KLHL18: variants seen among roughly 807,000 people sequenced by gnomAD.
KLHL18 encodes the protein kelch like family member 18, also known as kelch-like protein 18.
A neutral mutation model predicts 58.5 loss-of-function variants in KLHL18; 38 were observed. The ratio of observed to expected loss-of-function variants is 0.65; its 90% CI spans 0.50 to 0.85. The LOEUF (loss-of-function observed/expected upper bound fraction) is 0.85, where lower values mean the gene tolerates loss of function less well. Ranked by LOEUF, KLHL18 falls within the 40% of genes least tolerant of loss-of-function variation. The pLI is 0.00. For missense variants in KLHL18, 624 were observed against 778.4 expected (o/e 0.80, Z 2.36); for synonymous variants, 303 against 301.9 (o/e 1.00, Z -0.04).
intron 1 of KLHL18, among the ~76,000 whole-genome samples, chr3:47,304,778 C>T (rs1343396106): frequency 6.6e-6 from 1 of 152,154 alleles, no homozygotes; most frequent in Non-Finnish European, 1.5e-5. Context: ...AATCCCAACA[C>T]TTTGGGAGGC....
At chr3:47,304,925 G>C (rs13072802) in intron 1 of KLHL18, among the ~76,000 whole-genome samples, 74,687 of 151,672 alleles carry the variant, frequency 0.49, 20,034 homozygotes, top group Non-Finnish European at 0.6. Flanking sequence ...TTGGGAGGCT[G>C]AGGTGGGAGG....
intron 1 of KLHL18, among the ~76,000 whole-genome samples, chr3:47,296,447 G>T (rs892032894): frequency 6.6e-6 from 1 of 152,210 alleles, no homozygotes; most frequent in Non-Finnish European, 1.5e-5. Flanking sequence ...GAGACACCCT[G>T]CTGTGAATGG....
chr3:47,339,610 A>C (rs905626709), intron 7 of KLHL18, among the ~76,000 whole-genome samples: 1 of 152,258 alleles, frequency 6.6e-6, no homozygotes, highest in Non-Finnish European at 1.5e-5. Flanking sequence ...GCACATGATG[A>C]AAACAACATC....
rs1432550373 is a variant in KLHL18 at position 47,309,309 on chromosome 3, C to T, written c.130-10344C>T. Among the ~76,000 whole-genome samples the T allele has an allele frequency of 2.0e-5, 3 of 152,000 alleles. 1 individual carries two copies. Among genetic ancestry groups the T allele is most frequent in the South Asian group, 4.2e-4 (2 of 4,800 alleles). On this transcript the variant is annotated intron_variant, in intron 1 of 9. Transcript: ENST00000232766. ...TACACCTCCCAGACGGGGCGGCGGC[C>T]GGGCAGAGGGGCTCCTCACTTCCCA...
At chr3:47,323,565 G>A (rs295459) in intron 3 of KLHL18, among the ~76,000 whole-genome samples, 146,010 of 152,308 alleles carry the variant, frequency 0.96, 70,311 homozygotes, top group East Asian at 1. Context: ...TGGGTCTCCT[G>A]TGACCTTCTG....
At chr3:47,302,440 G>A (rs1426457899) in intron 1 of KLHL18, among the ~76,000 whole-genome samples, 8 of 152,128 alleles carry the variant, frequency 5.3e-5, no homozygotes, top group African/African-American at 1.7e-4. Flanking sequence ...AGCCAAGATC[G>A]CGCCACTGCA....
intron 1 of KLHL18, among the ~76,000 whole-genome samples, chr3:47,298,545 A>G (rs1576140175): frequency 6.6e-6 from 1 of 152,146 alleles, no homozygotes; most frequent in Non-Finnish European, 1.5e-5. Context: ...AACATGAAAC[A>G]TGAAGATTGC....
At chr3:47,288,366 C>T (rs1374700287) in intron 1 of KLHL18, among the ~76,000 whole-genome samples, 1 of 152,088 alleles carries the variant, frequency 6.6e-6, no homozygotes, top group Non-Finnish European at 1.5e-5. Flanking sequence ...GGACTAGACT[C>T]TTCGTCTCCA....
chr3:47,325,283 C>G (rs190974930), intron 3 of KLHL18, among the ~76,000 whole-genome samples: 1 of 151,916 alleles, frequency 6.6e-6, no homozygotes, highest in Admixed American at 6.6e-5. Context: ...CTGCAAGCTC[C>G]GCCTCCTGTG....
intron 1 of KLHL18, among the ~76,000 whole-genome samples, chr3:47,306,718 A>G (rs905751222): frequency 6.6e-6 from 1 of 152,184 alleles, no homozygotes; most frequent in African/African-American, 2.4e-5. Context: ...ATTATTTTTC[A>G]AAGTGGAAAT....
intron 1 of KLHL18, among the ~76,000 whole-genome samples, chr3:47,308,730 C>T (rs1027118476): frequency 9.9e-5 from 15 of 152,060 alleles, no homozygotes; most frequent in Admixed American, 5.2e-4. Flanking sequence ...TCCTTCCTTC[C>T]CTCCCTCCCT....
In KLHL18 at chr3:47,343,776, G is replaced by A; in HGVS notation, c.1560G>A (p.Val520=). Residue 520 remains valine (V), a synonymous_variant, in exon 10 of 10, where the codon GTG becomes GTA. Transcript: ENST00000232766. The part of the protein sequence containing the change: ...MHTRRSRVSL[V]ASCGRLYAVG... The stretch of plus-strand genomic sequence containing the variant: ...CGCGCAGGAGCCGGGTCTCCCTGGT[G>A]GCCAGCTGTGGGCGCCTCTACGCTG... 1 of 1,614,242 alleles carries A rather than the reference G, an allele frequency of 6.2e-7. No individual in the cohort carries two copies. The highest frequency in any genetic ancestry group is 8.5e-7 in the Non-Finnish European group (1 of 1,180,050).
In KLHL18 at chr3:47,345,322, C is replaced by G. The variant is rs1389814426; in HGVS notation, c.*1381C>G. On this transcript the variant is annotated 3_prime_UTR_variant, in exon 10 of 10. Coordinates refer to ENST00000232766, the MANE Select transcript of KLHL18 (RefSeq NM_025010.5). ...CGCCAATCCCAAGAGTCTGGCCTCC[C>G]TCCAGCCCTGGGCAGACTGACCAGC... is the stretch of plus-strand genomic sequence containing the variant. 6.5e-6 allele frequency: 1 copy of G among 152,820 alleles called. No homozygotes were observed. Among genetic ancestry groups the G allele is most frequent in the Non-Finnish European group, 1.5e-5 (1 of 68,162 alleles). The allele number at this position is 152,820 out of a possible 1,614,324, so 9.5% of individuals were successfully genotyped here.
At chr3:47,322,500 G>C in intron 2 of KLHL18, 68 bp from the exon 3 acceptor site, 1 of 1,458,602 alleles carries the variant, frequency 6.9e-7, no homozygotes, top group Non-Finnish European at 9.2e-7. Context: ...GTTCAGTTAG[G>C]GCCTGAGTCT....
rs527271411 is a variant in KLHL18 at position 47,330,665 on chromosome 3, G to A, written c.600+516G>A. Among the ~76,000 whole-genome samples, 8 of 152,096 alleles carry A rather than the reference G, an allele frequency of 5.3e-5. 1 individual carries two copies. Among genetic ancestry groups the A allele is most frequent in the Admixed American group, 5.2e-4 (8 of 15,266 alleles). On this transcript the variant is annotated intron_variant, in intron 4 of 9. Transcript: ENST00000232766. ...TACTCACCTTATTCTTGCATGTTTG[G>A]GTTATTTCCAATATTTACTATTAGA...
At chr3:47,327,221 A>T (rs1703746543) in intron 3 of KLHL18, among the ~76,000 whole-genome samples, 1 of 152,142 alleles carries the variant, frequency 6.6e-6, no homozygotes, top group Admixed American at 6.5e-5. Flanking sequence ...CCTCGGCAAC[A>T]CCAGGAGACT....
intron 1 of KLHL18, among the ~76,000 whole-genome samples, chr3:47,317,357 A>G (rs1011747694): frequency 3.3e-5 from 5 of 151,966 alleles, no homozygotes; most frequent in African/African-American, 1.2e-4. Context: ...CAGGTGATCC[A>G]CCCGCCTCAG....
At chr3:47,320,139 A>G (rs941743151) in intron 2 of KLHL18, among the ~76,000 whole-genome samples, 3 of 152,026 alleles carry the variant, frequency 2.0e-5, no homozygotes, top group Non-Finnish European at 4.4e-5. Context: ...AGTTCTTCAA[A>G]TAAGTGTCTT....
At position 47,344,101 on chromosome 3, in the gene KLHL18, G is replaced by A. The variant is rs1704174955; in HGVS notation, c.*160G>A. 2 of 821,552 alleles carry A rather than the reference G, an allele frequency of 2.4e-6. No homozygotes were observed. The highest frequency in any genetic ancestry group is 3.4e-5 in the African/African-American group (2 of 58,222). 50.9% of individuals were successfully genotyped at this position (821,552 alleles called of 1,614,324 possible). A position where few individuals can be genotyped will look rare whatever the true frequency, so the allele number is the denominator to read the frequency against. ...AGGTGCTTAAGCCCTCCCCCACTGT[G>A]CCACCCTTGTGACCTTCAGGCTTGG... is the stretch of plus-strand genomic sequence containing the variant. On this transcript the variant is annotated 3_prime_UTR_variant, in exon 10 of 10. Transcript: ENST00000232766.
Sources: allele counts gnomAD v4.1 joint callset (sites outside exome capture counted in the v4.1 genomes callset), GRCh38; gene constraint gnomAD v4.1.1; transcripts MANE v1.5; gene names NCBI Gene and HGNC (gene_info 2026-07-23, HGNC 2026-07-21).